PPY: variants seen among roughly 807,000 people sequenced by gnomAD.
PPY encodes pancreatic polypeptide prohormone.
PPY carries 6 observed loss-of-function variants against 9.3 expected under a neutral mutation model. The observed-to-expected ratio is 0.64, with a 90% confidence interval of 0.35 to 1.27. PPY has a LOEUF of 1.27. Ranked by LOEUF, PPY falls within the 50% of genes most tolerant of loss-of-function variation. The probability of loss-of-function intolerance (pLI) is 0.03; values close to 1 mark genes in which losing one functional copy is unlikely to be tolerated. For missense variants in PPY, 109 were observed against 119.1 expected (o/e 0.91, Z 0.40); for synonymous variants, 58 against 54.6 (o/e 1.06, Z -0.27).
upstream of PPY, among the ~76,000 whole-genome samples, chr17:43,944,129 T>C (rs1555615731): frequency 6.6e-6 from 1 of 152,158 alleles, no homozygotes; most frequent in Non-Finnish European, 1.5e-5. Context: ...AGCCTGGCCT[T>C]GGGTTTGGCG....
chr17:43,941,335 T>C (rs1281588895), intron 2 of PPY, 121 bp from the exon 3 acceptor site: 4 of 1,508,314 alleles, frequency 2.7e-6, no homozygotes, highest in Non-Finnish European at 3.6e-6. Context: ...TGAGCACAGA[T>C]GCCCTGTTTT....
At chr17:43,942,635 C>G (rs1288094897), upstream of PPY, among the ~76,000 whole-genome samples, 1 of 152,244 alleles carries the variant, frequency 6.6e-6, no homozygotes, top group Non-Finnish European at 1.5e-5. The surrounding 1 kb of genome is among the most constrained non-coding windows in gnomAD (Gnocchi z 5.3). Context: ...GGGGACAGGG[C>G]AGTTCTGTGG....
At chr17:43,941,920 G>T (rs114128841) in intron 1 of PPY, among the ~76,000 whole-genome samples, 147 of 152,236 alleles carry the variant, frequency 9.7e-4, no homozygotes, top group African/African-American at 3.5e-3. Flanking sequence ...GGGGATGTGA[G>T]TCCTGGAGAC....
At chr17:43,943,384 A>T (rs1412556576), upstream of PPY, among the ~76,000 whole-genome samples, 1 of 152,076 alleles carries the variant, frequency 6.6e-6, no homozygotes, top group Admixed American at 6.6e-5. Flanking sequence ...TGGGGCCGTC[A>T]AAGTATTGTT....
chr17:43,943,804 G>C (rs1597837485), upstream of PPY, among the ~76,000 whole-genome samples: 1 of 152,198 alleles, frequency 6.6e-6, no homozygotes, highest in South Asian at 2.1e-4. Flanking sequence ...TCCTGGCTCT[G>C]CATTGGCTGG....
upstream of PPY, among the ~76,000 whole-genome samples, chr17:43,942,820 C>T (rs912557110): frequency 6.6e-6 from 1 of 152,302 alleles, no homozygotes; most frequent in Middle Eastern, 3.4e-3. The surrounding 1 kb of genome is among the most constrained non-coding windows in gnomAD (Gnocchi z 5.3). Context: ...GGAACTAGCT[C>T]TCCTGCCTCC....
chr17:43,940,987 G>A (rs1365478276), intron 3 of PPY, 35 bp from the exon 4 acceptor site: 2 of 1,597,290 alleles, frequency 1.3e-6, no homozygotes, highest in African/African-American at 1.3e-5. Context: ...CAGTGTAGGG[G>A]GTAGGCCTCG....
At position 43,941,451 on chromosome 17, in the gene PPY, C is replaced by T. The variant is rs2048576938; in HGVS notation, c.191+13G>A. The T allele has an allele frequency of 6.2e-7, 1 of 1,613,720 alleles. No individual in the cohort carries two copies. The highest frequency in any genetic ancestry group is 1.3e-5 in the African/African-American group (1 of 75,032). On this transcript the variant is annotated intron_variant, in intron 2 of 3. Transcript: ENST00000225992. ...CAGGGGCTGGGATCTCTCTCCCCAACTGTGGCACACACCTAGGCCTGGTCA... is the reference window on the plus strand; with the variant it reads ...CAGGGGCTGGGATCTCTCTCCCCAATTGTGGCACACACCTAGGCCTGGTCA...
intron 1 of PPY, 98 bp from the exon 2 acceptor site, chr17:43,941,752 C>T: frequency 7.7e-7 from 1 of 1,293,478 alleles, no homozygotes; most frequent in Non-Finnish European, 1.1e-6. Flanking sequence ...GCCCATCATC[C>T]ATTTCTCCAA....
In PPY at chr17:43,940,944, C is replaced by A; in HGVS notation, c.272G>T (p.Ser91Ile). The A allele has an allele frequency of 6.2e-7, 1 of 1,608,188 alleles. No homozygotes were observed. The highest frequency in any genetic ancestry group is 1.7e-5 in the Admixed American group (1 of 59,198). Residue 91 changes from serine to isoleucine, a missense_variant, in exon 4 of 4, where the codon AGC becomes ATC. Physicochemically the swap from Ser to Ile is moderately radical, Grantham distance 142. Coordinates refer to ENST00000225992, the MANE Select transcript of PPY (RefSeq NM_002722.5). Reference protein sequence around the residue: ...SPHAAVPRELSPLDL With the variant: ...SPHAAVPRELIPLDL Reference sequence around the variant, plus strand: ...AAGGTGGCATTATAAGTCCAGCGGGCTGAGCTCCCTGTGAGGACAGGGCAG... The same window carrying A: ...AAGGTGGCATTATAAGTCCAGCGGGATGAGCTCCCTGTGAGGACAGGGCAG...
chr17:43,944,068 G>A (rs1425682743), upstream of PPY, among the ~76,000 whole-genome samples: 1 of 152,228 alleles, frequency 6.6e-6, no homozygotes, highest in Admixed American at 6.5e-5. Context: ...CCTTTCTCTG[G>A]ACTGAGGTTT....
chr17:43,940,892 C>T lies in PPY; in HGVS notation c.*36G>A, dbSNP rs1372620184. On this transcript the variant is annotated 3_prime_UTR_variant, in exon 4 of 4. Transcript: ENST00000225992. ...GGTGCAGAGGGGAGAGCTGGGCTGG[C>T]GCTGCTCATGGAGTCGTAGGAGACA... 21 of 1,594,342 alleles carry T rather than the reference C, an allele frequency of 1.3e-5. No individual in the cohort carries two copies. Among genetic ancestry groups the T allele is most frequent in the Admixed American group, 1.8e-5 (1 of 56,876 alleles).
At chr17:43,942,669 A>G (rs2048586859), upstream of PPY, among the ~76,000 whole-genome samples, 1 of 152,206 alleles carries the variant, frequency 6.6e-6, no homozygotes, top group Non-Finnish European at 1.5e-5. This position sits in a 1 kb window ranked among gnomAD's most constrained non-coding sequence, Gnocchi z 5.3. Flanking sequence ...AGCATAACAG[A>G]TAAAACTGGA....
chr17:43,941,294 T>C (rs1417207624), intron 2 of PPY, 80 bp from the exon 3 acceptor site: 3 of 1,515,778 alleles, frequency 2.0e-6, no homozygotes, highest in East Asian at 2.4e-5. Flanking sequence ...GTAGGCACCA[T>C]CTTGCCCAGG....
Position 43,941,228 on chromosome 17 carries a change from G to C in PPY, c.192-14C>G, listed in dbSNP as rs1243309656. The stretch of plus-strand genomic sequence containing the variant: ...CTTTTCCCATACCTGGGAGGGAAGA[G>C]GCAGCAGGGGCAAGCACTGTGCCCA... On this transcript the variant is annotated splice_polypyrimidine_tract_variant and intron_variant, in intron 2 of 3. Coordinates refer to ENST00000225992, the MANE Select transcript of PPY (RefSeq NM_002722.5). 3.0e-5 allele frequency: 47 copies of C among 1,551,156 alleles called. No homozygotes were observed. The highest frequency in any genetic ancestry group is 4.0e-5 in the Non-Finnish European group (46 of 1,146,926).
intron 3 of PPY, 90 bp downstream of exon 3, chr17:43,941,053 C>G: frequency 6.5e-7 from 1 of 1,546,672 alleles, no homozygotes. Flanking sequence ...CTTCCACCCC[C>G]CACTACACCT....
upstream of PPY, among the ~76,000 whole-genome samples, chr17:43,942,999 C>T (rs1024610183): frequency 6.6e-6 from 1 of 152,114 alleles, no homozygotes; most frequent in Non-Finnish European, 1.5e-5. The surrounding 1 kb of genome is among the most constrained non-coding windows in gnomAD (Gnocchi z 5.3). Flanking sequence ...GGCCTCAGGT[C>T]CTCAGGCAAG....
upstream of PPY, among the ~76,000 whole-genome samples, chr17:43,943,503 C>A (rs2048591134): frequency 6.6e-6 from 1 of 152,140 alleles, no homozygotes; most frequent in South Asian, 2.1e-4. Context: ...ATTCTCAACC[C>A]CACTAATCCA....
chr17:43,941,239 C>T, intron 2 of PPY, 25 bp from the exon 3 acceptor site: 1 of 1,550,670 alleles, frequency 6.4e-7, no homozygotes, highest in Non-Finnish European at 8.7e-7. Context: ...GCAGCAGGGG[C>T]AAGCACTGTG....
Sources: gnomAD v4.1 joint callset for allele counts (sites outside exome capture counted in the v4.1 genomes callset) on GRCh38, gnomAD v4.1.1 for gene constraint, Gnocchi (gnomAD v3.1) non-coding constraint, MANE v1.5 for transcripts, NCBI Gene and HGNC (gene_info 2026-07-23, HGNC 2026-07-21) for gene names.